LNX2: variants seen among roughly 807,000 people sequenced by gnomAD.
LNX2 encodes ligand of Numb protein X 2.
A neutral mutation model predicts 66.2 loss-of-function variants in LNX2; 35 were observed. That is an observed-to-expected ratio of 0.53 (90% confidence interval 0.40 to 0.70). The LOEUF (loss-of-function observed/expected upper bound fraction) is 0.70, where lower values mean the gene tolerates loss of function less well. Among genes scored for constraint, LNX2 ranks in the 30% least tolerant of loss-of-function variants. LNX2 has a pLI of 0.00. For synonymous variants in LNX2, 337 were observed against 315.6 expected (o/e 1.07, Z -0.72); for missense variants, 791 against 850.8 (o/e 0.93, Z 0.87).
chr13:27,592,344 G>A (rs1955553266), intron 1 of LNX2, among the ~76,000 whole-genome samples: 1 of 152,176 alleles, frequency 6.6e-6, no homozygotes, highest in Non-Finnish European at 1.5e-5. Flanking sequence ...TGTGTTCATG[G>A]GCTGATGGGA....
chr13:27,583,126 T>C (rs1026631537), intron 1 of LNX2, among the ~76,000 whole-genome samples: 3 of 150,948 alleles, frequency 2.0e-5, no homozygotes, highest in Admixed American at 6.6e-5. Context: ...TTTCACCTCA[T>C]AGTATTCCAT....
At chr13:27,613,975 T>C (rs1284478024) in intron 1 of LNX2, among the ~76,000 whole-genome samples, 1 of 152,146 alleles carries the variant, frequency 6.6e-6, no homozygotes, top group Non-Finnish European at 1.5e-5. Flanking sequence ...AAAAATCAGA[T>C]AGAAGTAAAA....
chr13:27,595,609 T>C (rs1364254181), intron 1 of LNX2, among the ~76,000 whole-genome samples: 3 of 152,228 alleles, frequency 2.0e-5, no homozygotes, highest in Non-Finnish European at 2.9e-5. Flanking sequence ...CTAATTTCAC[T>C]TCCTCATCAC....
intron 2 of LNX2, among the ~76,000 whole-genome samples, chr13:27,572,793 G>A (rs1955298400): frequency 6.6e-6 from 1 of 152,082 alleles, no homozygotes; most frequent in Admixed American, 6.5e-5. Flanking sequence ...TGGGGGTGGT[G>A]GTAGTGCAGT....
chr13:27,597,522 A>G (rs533858343), intron 1 of LNX2, among the ~76,000 whole-genome samples: 1 of 152,298 alleles, frequency 6.6e-6, no homozygotes, highest in South Asian at 2.1e-4. Flanking sequence ...GATGGACAGA[A>G]AAGAGAGTCT....
chr13:27,559,259 A>G (rs1955099510), intron 6 of LNX2, among the ~76,000 whole-genome samples: 1 of 152,204 alleles, frequency 6.6e-6, no homozygotes, highest in African/African-American at 2.4e-5. Context: ...AACAAAGCTT[A>G]ACATATGGAA....
intron 1 of LNX2, among the ~76,000 whole-genome samples, chr13:27,588,021 C>CAAAAAAAAAAAAAAAAAAAAAAAAAAAA (rs56812051): frequency 2.1e-5 from 2 of 93,532 alleles, no homozygotes; most frequent in African/African-American, 3.8e-5. Flanking sequence ...ACTCTTGTCA[C>CAAAAAAAAAAAAAAAAAAAAAAAAAAAA]AAAAAAAAAA....
intron 1 of LNX2, among the ~76,000 whole-genome samples, chr13:27,590,955 T>C (rs1955540416): frequency 6.6e-6 from 1 of 152,152 alleles, no homozygotes; most frequent in Admixed American, 6.5e-5. Flanking sequence ...ACTTTATATA[T>C]GTATTATAAA....
intron 1 of LNX2, among the ~76,000 whole-genome samples, chr13:27,590,984 A>ATG (rs920634048): frequency 4.7e-5 from 7 of 147,926 alleles, no homozygotes; most frequent in African/African-American, 1.7e-4. Context: ...ATACATATAT[A>ATG]TGTGTGTGTG....
At chr13:27,553,179 C>A in intron 8 of LNX2, 29 bp downstream of exon 8, 1 of 1,571,796 alleles carries the variant, frequency 6.4e-7, no homozygotes, top group South Asian at 1.1e-5. Flanking sequence ...ATTATGATTT[C>A]CATAAAGCAA....
At chr13:27,578,775 G>C (rs1566123025) in intron 2 of LNX2, among the ~76,000 whole-genome samples, 1 of 152,190 alleles carries the variant, frequency 6.6e-6, no homozygotes, top group Non-Finnish European at 1.5e-5. Context: ...CTTGGAAGTA[G>C]ACTCTCCAGT....
chr13:27,619,473 T>C (rs907903648), intron 1 of LNX2, among the ~76,000 whole-genome samples: 11 of 152,236 alleles, frequency 7.2e-5, no homozygotes, highest in African/African-American at 1.9e-4. Context: ...GTAAGTACTA[T>C]TGCCGCAAGA....
At chr13:27,573,304 G>A (rs1338193839) in intron 2 of LNX2, among the ~76,000 whole-genome samples, 2 of 152,040 alleles carry the variant, frequency 1.3e-5, no homozygotes, top group Non-Finnish European at 2.9e-5. Flanking sequence ...TTCCCCTCTT[G>A]TGTGCTTGTC....
rs185163321 is a variant in LNX2 at position 27,582,897 on chromosome 13, A to T, written c.-100-1094T>A. Among the ~76,000 whole-genome samples the T allele has an allele frequency of 7.4e-4, 112 of 152,262 alleles. 2 individuals are homozygous for T. Among genetic ancestry groups the T allele is most frequent in the Non-Finnish European group, 1.5e-4 (10 of 68,020 alleles). ...CCTGGAACTTAAAGTATAATAATAA[A>T]AAATGACCTTTGCTCAGCACTATGG... On this transcript the variant is annotated intron_variant, in intron 1 of 9. Transcript: ENST00000316334.
Position 27,553,249 on chromosome 13 carries a change from G to C in LNX2, c.1737C>G (p.Ala579=), listed in dbSNP as rs1217527331. Residue 579 remains alanine (A), a synonymous_variant, in exon 8 of 10, where the codon GCC becomes GCG. Coordinates refer to ENST00000316334, the MANE Select transcript of LNX2 (RefSeq NM_153371.4). The part of the protein sequence containing the change: ...PSTFSENEYD[A]SWSPSWVMWL... ...ACATGACCCATGATGGGGACCAACT[G>C]GCATCATACTCATTTTCGCTGAAAG... 1 of 1,614,068 alleles carries C rather than the reference G, an allele frequency of 6.2e-7. No individual in the cohort carries two copies. Among genetic ancestry groups the C allele is most frequent in the South Asian group, 1.1e-5 (1 of 91,080 alleles).
At chr13:27,562,826 T>C (rs771547351) in intron 4 of LNX2, 45 bp from the exon 5 acceptor site, 1 of 1,559,036 alleles carries the variant, frequency 6.4e-7, no homozygotes, top group South Asian at 1.2e-5. Flanking sequence ...CCTTTTATTT[T>C]TCCAATTTGT....
chr13:27,564,216 G>A (rs1955176075), intron 4 of LNX2, among the ~76,000 whole-genome samples: 1 of 152,200 alleles, frequency 6.6e-6, no homozygotes, highest in South Asian at 2.1e-4. Context: ...GCAGGCTGGG[G>A]AATATTCTAC....
Position 27,560,565 on chromosome 13 carries a change from G to A in LNX2, c.1225-580C>T, listed in dbSNP as rs78959668. On this transcript the variant is annotated intron_variant, in intron 5 of 9. Transcript: ENST00000316334. ...ATAACAAGACTTTATATGTATGTGT[G>A]TATATATATATATATATATAGCATA... Among the ~76,000 whole-genome samples, 450 of 120,002 alleles carry A rather than the reference G, an allele frequency of 3.7e-3. 7 individuals are homozygous for A. Among genetic ancestry groups the A allele is most frequent in the African/African-American group, 0.014 (408 of 30,026 alleles). The allele number at this position is 120,002 out of a possible 152,430, so 78.7% of individuals were successfully genotyped here. A position where few individuals can be genotyped will look rare whatever the true frequency, so the allele number is the denominator to read the frequency against.
At chr13:27,576,337 CTCCA>C (rs1397775840) in intron 2 of LNX2, among the ~76,000 whole-genome samples, 1 of 152,156 alleles carries the variant, frequency 6.6e-6, no homozygotes, top group Non-Finnish European at 1.5e-5. Flanking sequence ...ATATGGAGCA[CTCCA>C]TCCATTAACA....
Sources: allele counts gnomAD v4.1 joint callset (sites outside exome capture counted in the v4.1 genomes callset), GRCh38; gene constraint gnomAD v4.1.1; transcripts MANE v1.5; gene names NCBI Gene and HGNC (gene_info 2026-07-23, HGNC 2026-07-21).